Variants in GRIA4 observed in about 807,000 individuals in gnomAD.
GRIA4 encodes glutamate ionotropic receptor AMPA type subunit 4.
GRIA4 carries 34 observed loss-of-function variants against 104.0 expected under a neutral mutation model. The observed-to-expected ratio is 0.33, with a 90% CI of 0.25 to 0.44. The LOEUF (loss-of-function observed/expected upper bound fraction) is 0.44. GRIA4 is among the 20% of genes least tolerant of loss of function. The pLI is 1.00. For missense variants in GRIA4, 750 were observed against 1,096.5 expected, an observed-to-expected ratio of 0.68 and a Z score of 4.46; for synonymous variants, 386 against 381.9, an observed-to-expected ratio of 1.01 and a Z score of -0.13.
intron 9 of GRIA4, 58 bp downstream of exon 9, chr11:105,905,359 T>C (rs1947007536): frequency 1.1e-6 from 1 of 937,024 alleles, no homozygotes; most frequent in Non-Finnish European, 1.7e-6. Flanking sequence ...GTATGTAACA[T>C]TTTAAAGGTG....
intron 14 of GRIA4, among the ~76,000 whole-genome samples, chr11:105,970,316 A>C (rs1215233558): frequency 2.0e-5 from 3 of 151,472 alleles, no homozygotes; most frequent in Non-Finnish European, 4.4e-5. Context: ...TTTTTTCAAA[A>C]CTAACCATAC....
At chr11:105,911,786 A>G (rs1947248837) in intron 10 of GRIA4, 1 of 163,642 alleles carries the variant, frequency 6.1e-6, no homozygotes, top group Admixed American at 8.0e-5. Context: ...ATATATATAT[A>G]TATATATATA....
chr11:105,852,516 C>T (rs980082737), intron 4 of GRIA4, among the ~76,000 whole-genome samples: 2 of 152,116 alleles, frequency 1.3e-5, no homozygotes, highest in Non-Finnish European at 2.9e-5. Flanking sequence ...AGAACGTTTG[C>T]CGTTAAAAGT....
At chr11:105,968,682 A>G (rs1044459307) in intron 14 of GRIA4, among the ~76,000 whole-genome samples, 1 of 152,256 alleles carries the variant, frequency 6.6e-6, no homozygotes, top group African/African-American at 2.4e-5. Context: ...GATGGTGTTC[A>G]TATGAGTTAA....
intron 3 of GRIA4, among the ~76,000 whole-genome samples, chr11:105,639,823 A>G (rs1169016230): frequency 2.6e-5 from 4 of 151,978 alleles, no homozygotes; most frequent in Non-Finnish European, 4.4e-5. Flanking sequence ...AACCTTACTG[A>G]TATAAAAGTA....
At chr11:105,934,011 T>C (rs1188129620) in intron 14 of GRIA4, 42 bp downstream of exon 14, 1 of 1,509,986 alleles carries the variant, frequency 6.6e-7, no homozygotes, top group South Asian at 1.2e-5. Flanking sequence ...GTTGTTATAG[T>C]ATTCCACCTT....
intron 12 of GRIA4, among the ~76,000 whole-genome samples, chr11:105,925,153 C>T (rs1216634884): frequency 6.6e-6 from 1 of 151,964 alleles, no homozygotes; most frequent in East Asian, 1.9e-4. Context: ...GTTGTTGTTG[C>T]TCATTTTCAG....
At chr11:105,679,002 A>G (rs1952628114) in intron 3 of GRIA4, among the ~76,000 whole-genome samples, 1 of 152,062 alleles carries the variant, frequency 6.6e-6, no homozygotes, top group Non-Finnish European at 1.5e-5. Flanking sequence ...ATCCTGAGTT[A>G]GTAGACGTAT....
At chr11:105,695,748 A>G (rs968012865) in intron 3 of GRIA4, among the ~76,000 whole-genome samples, 13 of 152,196 alleles carry the variant, frequency 8.5e-5, no homozygotes, top group African/African-American at 2.9e-4. Context: ...ATGAGAATTT[A>G]GTTGCTATTT....
At chr11:105,844,772 T>C (rs1324159657) in intron 4 of GRIA4, among the ~76,000 whole-genome samples, 1 of 152,224 alleles carries the variant, frequency 6.6e-6, no homozygotes, top group Non-Finnish European at 1.5e-5. Context: ...CTACTATTAC[T>C]ATTAGTACTA....
intron 4 of GRIA4, among the ~76,000 whole-genome samples, chr11:105,794,615 TAG>T (rs987085631): frequency 1.5e-4 from 21 of 142,806 alleles, no homozygotes; most frequent in East Asian, 4.1e-4. Flanking sequence ...TATATATATA[TAG>T]AGAGAGAGAG....
In GRIA4 at chr11:105,745,805, G is replaced by T. The variant is rs75909324; in HGVS notation, c.248-7176G>T. Among the ~76,000 whole-genome samples, 792 of 152,158 alleles carry T rather than the reference G, an allele frequency of 5.2e-3. 10 individuals are homozygous for T. The East Asian group carries it at 0.054, about 10-fold the overall frequency. On this transcript the variant is annotated intron_variant, in intron 3 of 16. Transcript: ENST00000282499. ...CAGTCTATATTAAGACTTTTGTCTT[G>T]CTTAGCCTGGTTTTAACCTTGTTCT...
chr11:105,884,166 G>A (rs1412592407), intron 5 of GRIA4, among the ~76,000 whole-genome samples: 1 of 152,146 alleles, frequency 6.6e-6, no homozygotes, highest in Admixed American at 6.6e-5. Context: ...TACTCACCCT[G>A]GGCATTGTTT....
intron 14 of GRIA4, among the ~76,000 whole-genome samples, chr11:105,940,504 T>C (rs567697635): frequency 1.3e-5 from 2 of 152,290 alleles, no homozygotes; most frequent in South Asian, 4.2e-4. Flanking sequence ...GAGGGAGTTA[T>C]GGTAATCAGG....
At chr11:105,744,987 G>T (rs1939555417) in intron 3 of GRIA4, among the ~76,000 whole-genome samples, 1 of 151,940 alleles carries the variant, frequency 6.6e-6, no homozygotes, top group East Asian at 1.9e-4. Flanking sequence ...TTTCAAAAAG[G>T]GAATAGGTAA....
At chr11:105,635,813 G>A (rs1036822578) in intron 3 of GRIA4, among the ~76,000 whole-genome samples, 3 of 152,062 alleles carry the variant, frequency 2.0e-5, no homozygotes, top group African/African-American at 7.2e-5. Context: ...TAGAATTTAA[G>A]TATCACAGTA....
intron 3 of GRIA4, among the ~76,000 whole-genome samples, chr11:105,619,230 G>A (rs944072037): frequency 6.6e-6 from 1 of 151,902 alleles, no homozygotes; most frequent in African/African-American, 2.4e-5. Flanking sequence ...TAGTGGGCAA[G>A]TTACGTAACA....
intron 4 of GRIA4, among the ~76,000 whole-genome samples, chr11:105,835,685 A>G (rs1023596638): frequency 3.3e-5 from 5 of 152,084 alleles, no homozygotes; most frequent in Admixed American, 2.6e-4. Context: ...ATTAAACTAC[A>G]TTATTTTTCA....
At chr11:105,725,433 C>A (rs1293050279) in intron 3 of GRIA4, among the ~76,000 whole-genome samples, 1 of 152,150 alleles carries the variant, frequency 6.6e-6, no homozygotes. Flanking sequence ...AGCATACAGA[C>A]TCTCCCACCT....
Sources: gnomAD v4.1 joint callset for allele counts (sites outside exome capture counted in the v4.1 genomes callset) on GRCh38, gnomAD v4.1.1 for gene constraint, MANE v1.5 for transcripts, NCBI Gene and HGNC (gene_info 2026-07-23, HGNC 2026-07-21) for gene names.